HPSE2: variants seen among roughly 807,000 people sequenced by gnomAD.
HPSE2 encodes inactive heparanase-2.
HPSE2 carries 38 observed loss-of-function variants against 60.5 expected under a neutral mutation model. The observed-to-expected ratio is 0.63, with a 90% CI of 0.48 to 0.82. HPSE2 has a LOEUF of 0.82. Among genes scored for constraint, HPSE2 ranks in the 40% least tolerant of loss-of-function variants. The pLI is 0.00. For missense variants in HPSE2, 713 were observed against 740.4 expected, an observed-to-expected ratio of 0.96 and a Z score of 0.43; for synonymous variants, 295 against 293.2, an observed-to-expected ratio of 1.01 and a Z score of -0.06.
the HPSE2 span, among the ~76,000 whole-genome samples, chr10:99,259,813 G>C: frequency 6.6e-6 from 1 of 152,206 alleles, no homozygotes; most frequent in Non-Finnish European, 1.5e-5. Flanking sequence ...GCCTCTGTCA[G>C]ATCAGAGGTG....
intron 3 of HPSE2, among the ~76,000 whole-genome samples, chr10:99,080,256 G>A (rs1428410116): frequency 6.6e-6 from 1 of 152,014 alleles, no homozygotes; most frequent in Non-Finnish European, 1.5e-5. Flanking sequence ...AATATTCCTT[G>A]TGGACACTAC....
intron 3 of HPSE2, among the ~76,000 whole-genome samples, chr10:98,792,898 T>G (rs546841818): frequency 6.6e-6 from 1 of 152,254 alleles, no homozygotes; most frequent in African/African-American, 2.4e-5. Context: ...GAAGATGAAA[T>G]GAGGAACGTT....
At chr10:98,501,165 A>C (rs530459209) in intron 9 of HPSE2, among the ~76,000 whole-genome samples, 1 of 152,246 alleles carries the variant, frequency 6.6e-6, no homozygotes, top group South Asian at 2.1e-4. Flanking sequence ...AAAGATACAG[A>C]AAGAAGGAAC....
chr10:99,207,327 TAGAC>T (rs1473734378), intron 2 of HPSE2, among the ~76,000 whole-genome samples: 1 of 152,084 alleles, frequency 6.6e-6, no homozygotes, highest in Non-Finnish European at 1.5e-5. Flanking sequence ...AAATAAAAGA[TAGAC>T]AGACTTTCCC....
At chr10:99,006,444 G>A (rs1956895498) in intron 3 of HPSE2, among the ~76,000 whole-genome samples, 1 of 152,170 alleles carries the variant, frequency 6.6e-6, no homozygotes, top group Admixed American at 6.5e-5. Context: ...GATGCCAGAG[G>A]CTATGACCTG....
intron 3 of HPSE2, among the ~76,000 whole-genome samples, chr10:98,781,543 A>C (rs1376453461): frequency 2.0e-5 from 3 of 152,258 alleles, no homozygotes; most frequent in Non-Finnish European, 2.9e-5. Context: ...AAATAGAAAA[A>C]TTGGCAAAAG....
chr10:98,614,606 A>G (rs1015247244), intron 9 of HPSE2, among the ~76,000 whole-genome samples: 1 of 152,128 alleles, frequency 6.6e-6, no homozygotes, highest in African/African-American at 2.4e-5. Flanking sequence ...TTGTTAAAAC[A>G]ATAGTAATAA....
At chr10:98,575,378 G>T (rs988657116) in intron 9 of HPSE2, among the ~76,000 whole-genome samples, 5 of 152,044 alleles carry the variant, frequency 3.3e-5, no homozygotes, top group Non-Finnish European at 7.4e-5. Flanking sequence ...CAGCCAAGTT[G>T]GAATGTCACA....
chr10:99,208,711 CAT>C (rs1384378868), intron 2 of HPSE2, among the ~76,000 whole-genome samples: 1 of 150,140 alleles, frequency 6.7e-6, no homozygotes, highest in African/African-American at 2.4e-5. Context: ...AAAAAAAAGA[CAT>C]AGAGTGACTG....
chr10:99,185,948 G>C (rs934193499), intron 2 of HPSE2, among the ~76,000 whole-genome samples: 4 of 152,002 alleles, frequency 2.6e-5, no homozygotes, highest in African/African-American at 9.7e-5. Flanking sequence ...TTCAAGAGCA[G>C]AGAAACTTGG....
intron 3 of HPSE2, among the ~76,000 whole-genome samples, chr10:98,930,157 C>T (rs1253402886): frequency 7.0e-6 from 1 of 143,384 alleles, no homozygotes; most frequent in East Asian, 2.0e-4. Context: ...CACAACAGGC[C>T]CCAGTAAGTG....
intron 2 of HPSE2, among the ~76,000 whole-genome samples, chr10:99,174,555 C>T: frequency 6.6e-6 from 1 of 152,146 alleles, no homozygotes; most frequent in East Asian, 1.9e-4. Context: ...ACTTCAAATC[C>T]TAGATTGGTA....
intron 3 of HPSE2, among the ~76,000 whole-genome samples, chr10:99,057,863 T>C (rs752912347): frequency 6.6e-5 from 10 of 152,190 alleles, no homozygotes; most frequent in Non-Finnish European, 1.2e-4. Context: ...TTTTCATTCA[T>C]GCACAAACAG....
At chr10:99,177,132 G>A (rs1383664747) in intron 2 of HPSE2, among the ~76,000 whole-genome samples, 8 of 151,692 alleles carry the variant, frequency 5.3e-5, no homozygotes, top group Admixed American at 3.3e-4. Context: ...CACTAAATAT[G>A]GAAAGGAAAA....
rs371660725 is a variant in HPSE2 at position 98,615,044 on chromosome 10, A to C, written c.1206-26T>G. 4.0e-6 allele frequency: 6 copies of C among 1,515,250 alleles called. No individual in the cohort carries two copies. In the South Asian group the frequency reaches 6.7e-5, roughly 17 times the overall value. The allele number at this position is 1,515,250 out of a possible 1,614,324, so 93.9% of individuals were successfully genotyped here. ...CTAAAAGGCAGAGAAAAAGAGCTAC[A>C]TCAATATATTTTTTAAATGGCATAT... is the stretch of plus-strand genomic sequence containing the variant. On this transcript the variant is annotated intron_variant, in intron 8 of 11. Transcript: ENST00000370552.
At chr10:99,051,301 C>G (rs1957986017) in intron 3 of HPSE2, among the ~76,000 whole-genome samples, 1 of 152,136 alleles carries the variant, frequency 6.6e-6, no homozygotes, top group African/African-American at 2.4e-5. Flanking sequence ...TGGTCTGGAA[C>G]AGAACCTGCA....
intron 9 of HPSE2, among the ~76,000 whole-genome samples, chr10:98,601,692 C>T (rs563064894): frequency 6.6e-6 from 1 of 152,222 alleles, no homozygotes; most frequent in Non-Finnish European, 1.5e-5. Context: ...GCTGCTTCCA[C>T]AATGTTTGCT....
At chr10:99,282,480 C>T in the HPSE2 span, among the ~76,000 whole-genome samples, 5 of 151,930 alleles carry the variant, frequency 3.3e-5, no homozygotes, top group African/African-American at 1.2e-4. Flanking sequence ...AGAAGATCAC[C>T]GAGGACATAG....
At chr10:98,797,095 C>T (rs1440432582) in intron 3 of HPSE2, among the ~76,000 whole-genome samples, 2 of 152,100 alleles carry the variant, frequency 1.3e-5, no homozygotes, top group South Asian at 2.1e-4. Flanking sequence ...AGAACATCTA[C>T]GAGCATCAAC....
Sources: gnomAD v4.1 joint callset for allele counts (sites outside exome capture counted in the v4.1 genomes callset) on GRCh38, gnomAD v4.1.1 for gene constraint, MANE v1.5 for transcripts, NCBI Gene and HGNC (gene_info 2026-07-23, HGNC 2026-07-21) for gene names.